The following ATOSA variants were observed in gnomAD, a reference collection of about 807,000 sequenced individuals.
ATOSA encodes the protein atos homolog A, also known as atos homolog protein A.
chr15:52,705,625 T>C, the ATOSA span, among the ~76,000 whole-genome samples: 2 of 152,164 alleles, frequency 1.3e-5, no homozygotes, highest in African/African-American at 4.8e-5. Flanking sequence ...CTGCAAAAGA[T>C]AAATAAGCAT....
At chr15:52,633,221 T>G in the ATOSA span, among the ~76,000 whole-genome samples, 1 of 152,238 alleles carries the variant, frequency 6.6e-6, no homozygotes, top group Non-Finnish European at 1.5e-5. Flanking sequence ...CTATATTCAC[T>G]CCTTTTATGA....
chr15:52,702,682 T>C, the ATOSA span, among the ~76,000 whole-genome samples: 281 of 146,276 alleles, frequency 1.9e-3, no homozygotes, highest in Admixed American at 3.1e-3. Flanking sequence ...GATGACAGGA[T>C]CAACTGTACC....
At chr15:52,609,315 TTTC>T in the ATOSA span, 94 of 1,613,886 alleles carry the variant, frequency 5.8e-5, no homozygotes, top group Non-Finnish European at 7.5e-5. Context: ...CATCCTTATT[TTTC>T]TTCAACAAAT....
At chr15:52,595,252 G>C in the ATOSA span, among the ~76,000 whole-genome samples, 1 of 151,980 alleles carries the variant, frequency 6.6e-6, no homozygotes, top group Non-Finnish European at 1.5e-5. Context: ...TACTCACCTG[G>C]GTAAATTATA....
At chr15:52,663,590 G>T in the ATOSA span, among the ~76,000 whole-genome samples, 65 of 124,548 alleles carry the variant, frequency 5.2e-4, no homozygotes, top group African/African-American at 1.6e-3. Flanking sequence ...ATATTGTTAA[G>T]ATGACACATA....
At chr15:52,628,461 A>G in the ATOSA span, among the ~76,000 whole-genome samples, 41,485 of 152,038 alleles carry the variant, frequency 0.27, 7,463 homozygotes, top group East Asian at 0.85. Context: ...CTCTAAGTCA[A>G]TTACAGCTAA....
chr15:52,699,810 C>T, the ATOSA span, among the ~76,000 whole-genome samples: 1 of 152,134 alleles, frequency 6.6e-6, no homozygotes, highest in Non-Finnish European at 1.5e-5. Flanking sequence ...CTTACTGTAG[C>T]ATTCGGATTT....
chr15:52,687,842 T>A, the ATOSA span, among the ~76,000 whole-genome samples: 1 of 152,244 alleles, frequency 6.6e-6, no homozygotes, highest in African/African-American at 2.4e-5. Context: ...AGAGTATATG[T>A]CCCAGCTTTT....
the ATOSA span, among the ~76,000 whole-genome samples, chr15:52,685,276 C>A: frequency 1.3e-5 from 2 of 152,194 alleles, no homozygotes; most frequent in African/African-American, 4.8e-5. Context: ...TGTCATGTGG[C>A]ATTTAATTGT....
the ATOSA span, among the ~76,000 whole-genome samples, chr15:52,684,749 T>C: frequency 6.6e-6 from 1 of 152,244 alleles, no homozygotes; most frequent in African/African-American, 2.4e-5. Context: ...TTTAAAGTTC[T>C]TTAAAGAGAC....
chr15:52,647,425 G>C, the ATOSA span, among the ~76,000 whole-genome samples: 1 of 152,194 alleles, frequency 6.6e-6, no homozygotes, highest in African/African-American at 2.4e-5. Context: ...TTTTGGCTTT[G>C]AAGTTTGAGT....
the ATOSA span, among the ~76,000 whole-genome samples, chr15:52,644,078 T>C: frequency 6.6e-6 from 1 of 151,994 alleles, no homozygotes; most frequent in Non-Finnish European, 1.5e-5. Flanking sequence ...TTGTTGCTTT[T>C]GTGAAAGGCT....
the ATOSA span, among the ~76,000 whole-genome samples, chr15:52,595,755 ATT>A: frequency 1.3e-5 from 2 of 152,194 alleles, no homozygotes. Flanking sequence ...TTGACAATTA[ATT>A]TTTAAGTTAC....
the ATOSA span, among the ~76,000 whole-genome samples, chr15:52,583,807 T>C: frequency 2.0e-5 from 3 of 152,186 alleles, no homozygotes; most frequent in African/African-American, 7.2e-5. Context: ...TTGAAATACA[T>C]TGTGCTGGCT....
chr15:52,635,987 A>T, the ATOSA span, among the ~76,000 whole-genome samples: 1 of 150,104 alleles, frequency 6.7e-6, no homozygotes, highest in Non-Finnish European at 1.5e-5. Flanking sequence ...TGACAGAGTG[A>T]GAATCTATCT....
the ATOSA span, among the ~76,000 whole-genome samples, chr15:52,635,761 G>T: frequency 1.3e-5 from 2 of 152,134 alleles, no homozygotes; most frequent in Non-Finnish European, 2.9e-5. Context: ...ACTTTCACAG[G>T]CCAAGGTGGG....
At chr15:52,603,498 A>C in the ATOSA span, among the ~76,000 whole-genome samples, 4 of 152,210 alleles carry the variant, frequency 2.6e-5, no homozygotes, top group African/African-American at 9.7e-5. Context: ...AAGGAAAAAA[A>C]AGGGAAATTA....
the ATOSA span, among the ~76,000 whole-genome samples, chr15:52,618,518 G>C: frequency 3.0e-3 from 450 of 152,230 alleles, 4 homozygotes; most frequent in African/African-American, 0.01. Flanking sequence ...TGCAATGAGA[G>C]AGTGAAAGAA....
the ATOSA span, chr15:52,584,600 G>A: frequency 1.4e-5 from 9 of 655,034 alleles, no homozygotes; most frequent in African/African-American, 7.3e-5. Context: ...ATGTACTTTC[G>A]GCATCTTGGC....
Sources: gnomAD v4.1 joint callset for allele counts (sites outside exome capture counted in the v4.1 genomes callset) on GRCh38, gnomAD v4.1.1 for gene constraint, MANE v1.5 for transcripts, NCBI Gene and HGNC (gene_info 2026-07-23, HGNC 2026-07-21) for gene names.